The following DGKI variants were observed in gnomAD, a reference collection of about 807,000 sequenced individuals.
DGKI encodes the protein DAG kinase iota.
A neutral mutation model predicts 147.5 loss-of-function variants in DGKI; 55 were observed. That is an observed-to-expected ratio of 0.37 (90% CI 0.30 to 0.47). The LOEUF is 0.47. DGKI is among the 20% of genes least tolerant of loss of function. The probability of loss-of-function intolerance (pLI) is 1.00; values close to 1 mark genes in which losing one functional copy is unlikely to be tolerated. For missense variants in DGKI, 1,007 were observed against 1,323.8 expected (o/e 0.76, Z 3.71); for synonymous variants, 469 against 477.1 (o/e 0.98, Z 0.22).
At chr7:137,563,470 G>A (rs976571322) in intron 19 of DGKI, among the ~76,000 whole-genome samples, 24 of 151,778 alleles carry the variant, frequency 1.6e-4, no homozygotes, top group Non-Finnish European at 2.9e-4. Flanking sequence ...AAATGGAAAG[G>A]CATGTAAGGA....
chr7:137,424,107 T>C (rs748224247), intron 28 of DGKI, among the ~76,000 whole-genome samples: 49 of 152,196 alleles, frequency 3.2e-4, no homozygotes, highest in Non-Finnish European at 6.3e-4. Context: ...ATATAAAAAT[T>C]AAGCATTTTA....
intron 27 of DGKI, among the ~76,000 whole-genome samples, chr7:137,455,258 C>T (rs1469874440): frequency 2.0e-5 from 3 of 152,108 alleles, no homozygotes; most frequent in Non-Finnish European, 4.4e-5. Context: ...ACATTGTCTG[C>T]TTCCTCCTGA....
chr7:137,519,508 C>T (rs536590886), intron 21 of DGKI, among the ~76,000 whole-genome samples: 126 of 152,218 alleles, frequency 8.3e-4, no homozygotes, highest in Non-Finnish European at 1.3e-3. Context: ...AGAGGATTCA[C>T]TCTCTTTGTT....
At chr7:137,555,700 G>A (rs1464879664) in intron 19 of DGKI, among the ~76,000 whole-genome samples, 2 of 151,738 alleles carry the variant, frequency 1.3e-5, no homozygotes, top group Admixed American at 6.6e-5. Context: ...AAATTAAATA[G>A]ATTAGGGCTA....
chr7:137,744,273 A>G (rs1441673182), intron 1 of DGKI, among the ~76,000 whole-genome samples: 1 of 152,210 alleles, frequency 6.6e-6, no homozygotes, highest in Non-Finnish European at 1.5e-5. Context: ...ATGCACACAG[A>G]CTAGAGAATC....
intron 29 of DGKI, among the ~76,000 whole-genome samples, chr7:137,410,842 C>A (rs551585993): frequency 5.3e-5 from 8 of 152,290 alleles, no homozygotes; most frequent in African/African-American, 9.6e-5. Context: ...GCTTAATCCA[C>A]TGGTAAGAAA....
intron 21 of DGKI, among the ~76,000 whole-genome samples, chr7:137,493,147 G>A (rs1017861535): frequency 7.9e-5 from 12 of 152,110 alleles, no homozygotes; most frequent in African/African-American, 2.9e-4. Flanking sequence ...CCACCCAGCT[G>A]TACCACCACT....
rs60163782 is a variant in DGKI at position 137,738,733 on chromosome 7, C to A, written c.402-48731G>T. Among the ~76,000 whole-genome samples the A allele has an allele frequency of 2.2e-4, 32 of 148,280 alleles. 1 individual carries two copies. The South Asian group carries it at 4.5e-3, about 21-fold the overall frequency. The stretch of plus-strand genomic sequence containing the variant: ...ACAGAGAAGATGAGGTTCCCCCCCC[C>A]CCTTTCCTTTTCATATCCGATTTAC... On this transcript the variant is annotated intron_variant, in intron 1 of 32. Transcript: ENST00000614521.
chr7:137,549,231 A>C (rs1817965465), intron 20 of DGKI, among the ~76,000 whole-genome samples: 1 of 152,192 alleles, frequency 6.6e-6, no homozygotes. Flanking sequence ...ATGAGACATT[A>C]AGGTAAAAAT....
intron 1 of DGKI, among the ~76,000 whole-genome samples, chr7:137,797,758 T>C (rs1797077614): frequency 6.6e-6 from 1 of 151,272 alleles, no homozygotes; most frequent in Admixed American, 6.6e-5. Flanking sequence ...GGAGAAAAAA[T>C]ATAAAGAAAG....
intron 4 of DGKI, among the ~76,000 whole-genome samples, chr7:137,655,345 C>T (rs976475129): frequency 9.2e-5 from 14 of 152,166 alleles, no homozygotes; most frequent in African/African-American, 3.1e-4. Context: ...ACTACAGGTG[C>T]GTGCCACCAC....
chr7:137,533,404 G>T (rs1475286078), intron 20 of DGKI, among the ~76,000 whole-genome samples: 1 of 152,020 alleles, frequency 6.6e-6, no homozygotes, highest in African/African-American at 2.4e-5. Context: ...GAAAAAGAAA[G>T]AAAATAATGG....
At chr7:137,605,909 C>T (rs183229896) in intron 10 of DGKI, among the ~76,000 whole-genome samples, 4 of 152,218 alleles carry the variant, frequency 2.6e-5, no homozygotes, top group Admixed American at 1.3e-4. Flanking sequence ...AGTGGGGTGA[C>T]TATACTTAAC....
intron 3 of DGKI, among the ~76,000 whole-genome samples, chr7:137,667,427 C>T (rs938548007): frequency 9.2e-5 from 14 of 152,056 alleles, no homozygotes; most frequent in East Asian, 1.9e-4. Context: ...TAGCATATCA[C>T]GGGTACAGCA....
chr7:137,478,978 T>C (rs1031046714), intron 23 of DGKI, among the ~76,000 whole-genome samples: 6 of 152,234 alleles, frequency 3.9e-5, no homozygotes, highest in Non-Finnish European at 7.3e-5. Flanking sequence ...TAGGATTGTA[T>C]GAATGCAGCT....
chr7:137,499,079 T>C (rs1816076730), intron 21 of DGKI, among the ~76,000 whole-genome samples: 1 of 152,184 alleles, frequency 6.6e-6, no homozygotes, highest in Non-Finnish European at 1.5e-5. Flanking sequence ...AGTGAAAGCA[T>C]CACCTTTTCT....
intron 1 of DGKI, among the ~76,000 whole-genome samples, chr7:137,813,438 C>T (rs1797650093): frequency 6.6e-6 from 1 of 152,212 alleles, no homozygotes; most frequent in Non-Finnish European, 1.5e-5. Context: ...ATGATCATCA[C>T]TTTCAGTCAT....
chr7:137,530,806 A>G (rs1408045825), intron 20 of DGKI, among the ~76,000 whole-genome samples: 1 of 152,206 alleles, frequency 6.6e-6, no homozygotes. Flanking sequence ...TAAAAGCAAC[A>G]AACAAGAAAT....
chr7:137,742,705 A>T (rs1795210908), intron 1 of DGKI, among the ~76,000 whole-genome samples: 1 of 151,426 alleles, frequency 6.6e-6, no homozygotes, highest in Non-Finnish European at 1.5e-5. Flanking sequence ...TACATCAAGA[A>T]AGGTACTCAG....
Sources: allele counts gnomAD v4.1 joint callset (sites outside exome capture counted in the v4.1 genomes callset), GRCh38; gene constraint gnomAD v4.1.1; transcripts MANE v1.5; gene names NCBI Gene and HGNC (gene_info 2026-07-23, HGNC 2026-07-21).